PRTFDC1: variants seen among roughly 807,000 people sequenced by gnomAD.
PRTFDC1 encodes phosphoribosyltransferase domain-containing protein 1.
A neutral mutation model predicts 34.6 loss-of-function variants in PRTFDC1; 38 were observed. That is an observed-to-expected ratio of 1.10 (90% CI 0.85 to 1.44). The LOEUF (loss-of-function observed/expected upper bound fraction) is 1.44, where lower values mean the gene tolerates loss of function less well. Among genes scored for constraint, PRTFDC1 ranks in the 40% most tolerant of loss-of-function variants. The pLI, the probability that PRTFDC1 is intolerant of heterozygous loss-of-function variation, is 0.00. For missense variants in PRTFDC1, 270 were observed against 283.0 expected (o/e 0.95, Z 0.33); for synonymous variants, 93 against 98.1 (o/e 0.95, Z 0.31).
intron 3 of PRTFDC1, among the ~76,000 whole-genome samples, chr10:24,887,009 G>C (rs1848179691): frequency 7.7e-6 from 1 of 129,442 alleles, no homozygotes; most frequent in Non-Finnish European, 1.6e-5. Flanking sequence ...TGTCGCCCAG[G>C]TCGGACTGCG....
intron 3 of PRTFDC1, among the ~76,000 whole-genome samples, chr10:24,873,334 G>A (rs771073620): frequency 1.6e-4 from 25 of 152,098 alleles, no homozygotes; most frequent in Admixed American, 3.3e-4. Context: ...TTGTCTCCCA[G>A]CCTCATTACA....
intron 3 of PRTFDC1, among the ~76,000 whole-genome samples, chr10:24,914,924 C>A (rs1412714439): frequency 6.6e-6 from 1 of 152,070 alleles, no homozygotes; most frequent in Non-Finnish European, 1.5e-5. Context: ...ATATGCCATC[C>A]AATTATTACT....
In PRTFDC1 at chr10:24,882,985, GA is replaced by G. The variant is rs200756471; in HGVS notation, c.340-10923del. ...AAGTGAAACTAGCAATTTTAGCCAGGAAAAAAATTGTATCTATATATATGTA... is the reference window on the plus strand; with the variant it reads ...AAGTGAAACTAGCAATTTTAGCCAGGAAAAAATTGTATCTATATATATGTA... On this transcript the variant is annotated intron_variant, in intron 3 of 8. Coordinates refer to ENST00000320152, the MANE Select transcript of PRTFDC1 (RefSeq NM_020200.7). 6.3e-3 allele frequency among the ~76,000 whole-genome samples: 939 copies of G among 149,054 alleles called. 4 individuals carry two copies. Among genetic ancestry groups the G allele is most frequent in the African/African-American group, 0.022 (897 of 40,888 alleles).
intron 4 of PRTFDC1, among the ~76,000 whole-genome samples, chr10:24,870,943 G>A (rs1253028460): frequency 1.3e-5 from 2 of 151,944 alleles, no homozygotes; most frequent in Non-Finnish European, 2.9e-5. Context: ...ATGGTGGCAG[G>A]TGCCTGTAAT....
At chr10:24,849,978 C>A (rs1215734119) in intron 8 of PRTFDC1, 87 bp from the exon 9 acceptor site, 1 of 1,206,296 alleles carries the variant, frequency 8.3e-7, no homozygotes, top group Non-Finnish European at 1.2e-6. Flanking sequence ...CGAATGCCAT[C>A]CTGTAATTGG....
At chr10:24,872,889 C>T (rs1847901929) in intron 3 of PRTFDC1, among the ~76,000 whole-genome samples, 1 of 147,190 alleles carries the variant, frequency 6.8e-6, no homozygotes, top group Non-Finnish European at 1.5e-5. Flanking sequence ...CTCATTGCAG[C>T]CTCAATCTCC....
intron 3 of PRTFDC1, among the ~76,000 whole-genome samples, chr10:24,920,671 G>A (rs1469557977): frequency 6.6e-6 from 1 of 152,066 alleles, no homozygotes. Context: ...TCCTGCACAT[G>A]TATCCTGGAA....
chr10:24,898,793 A>G lies in PRTFDC1; in HGVS notation c.340-26730T>C, dbSNP rs141962694. 6.4e-4 allele frequency among the ~76,000 whole-genome samples: 98 copies of G among 152,270 alleles called. 1 individual carries two copies. In the East Asian group the frequency reaches 0.016, roughly 25 times the overall value. On this transcript the variant is annotated intron_variant, in intron 3 of 8. Transcript: ENST00000320152. Reference sequence around the variant, plus strand: ...CAAGGATCAGCCTAGGTGTATGAGAAATTGCTAAGAACTGAATGTTTATGT... The same window carrying G: ...CAAGGATCAGCCTAGGTGTATGAGAGATTGCTAAGAACTGAATGTTTATGT...
intron 7 of PRTFDC1, among the ~76,000 whole-genome samples, chr10:24,854,388 T>C (rs1847538869): frequency 6.6e-6 from 1 of 152,190 alleles, no homozygotes; most frequent in Non-Finnish European, 1.5e-5. Flanking sequence ...AGCACAGGCA[T>C]GAAACTTGTT....
At chr10:24,885,046 T>C (rs150780063) in intron 3 of PRTFDC1, among the ~76,000 whole-genome samples, 54 of 152,368 alleles carry the variant, frequency 3.5e-4, no homozygotes, top group Admixed American at 5.9e-4. Context: ...CATGTCTGCC[T>C]GGGCTTGCAG....
At chr10:24,895,575 G>A (rs113672015) in intron 3 of PRTFDC1, among the ~76,000 whole-genome samples, 13 of 150,546 alleles carry the variant, frequency 8.6e-5, no homozygotes, top group East Asian at 2.0e-4. Context: ...AGTTTTCTAC[G>A]CCTTAGAGAA....
intron 7 of PRTFDC1, among the ~76,000 whole-genome samples, chr10:24,853,484 T>C (rs551251603): frequency 6.6e-6 from 1 of 152,162 alleles, no homozygotes; most frequent in East Asian, 1.9e-4. Flanking sequence ...TGGTGGTACC[T>C]GTAGTCCCAG....
At position 24,903,452 on chromosome 10, in the gene PRTFDC1, A is replaced by G. The variant is rs146538635; in HGVS notation, c.340-31389T>C. On this transcript the variant is annotated intron_variant, in intron 3 of 8. Transcript: ENST00000320152. ...GATGTGGACACTTTTCTGAATGTAT[A>G]TTGCACTTCAATTCAAAGTTTTTAA... is the stretch of plus-strand genomic sequence containing the variant. Among the ~76,000 whole-genome samples the G allele has an allele frequency of 8.5e-4, 129 of 152,348 alleles. 1 individual carries two copies. The East Asian group carries it at 0.02, about 23-fold the overall frequency.
At chr10:24,928,753 T>G (rs1213351003) in intron 3 of PRTFDC1, among the ~76,000 whole-genome samples, 1 of 151,376 alleles carries the variant, frequency 6.6e-6, no homozygotes, top group African/African-American at 2.4e-5. Flanking sequence ...AAAAGAAGCT[T>G]TCGGCTGAGC....
chr10:24,916,029 C>T (rs1394479752), intron 3 of PRTFDC1, among the ~76,000 whole-genome samples: 4 of 152,314 alleles, frequency 2.6e-5, no homozygotes, highest in Non-Finnish European at 1.5e-5. Context: ...CCCCTGGTTT[C>T]CTTTCCAAAG....
intron 3 of PRTFDC1, among the ~76,000 whole-genome samples, chr10:24,916,817 T>A (rs1346691152): frequency 1.3e-5 from 2 of 152,208 alleles, no homozygotes; most frequent in Non-Finnish European, 2.9e-5. Flanking sequence ...AATCCTGACA[T>A]ACGAGTGTAA....
chr10:24,908,875 G>C, intron 3 of PRTFDC1: 1 of 850,208 alleles, frequency 1.2e-6, no homozygotes, highest in Non-Finnish European at 1.7e-6. Flanking sequence ...CCTCTGGCTG[G>C]GGTGAGAATG....
At chr10:24,939,470 G>C (rs1316243173) in intron 2 of PRTFDC1, among the ~76,000 whole-genome samples, 3 of 151,948 alleles carry the variant, frequency 2.0e-5, no homozygotes, top group Non-Finnish European at 2.9e-5. Context: ...CAGACTGTCA[G>C]GGTGGATTAA....
intron 3 of PRTFDC1, among the ~76,000 whole-genome samples, chr10:24,895,612 T>G (rs7901000): frequency 0.93 from 136,468 of 146,232 alleles, 63,977 homozygotes; most frequent in Middle Eastern, 0.99. Context: ...TGAACGGCCT[T>G]GCTTAGGGAA....
Sources: allele counts gnomAD v4.1 joint callset (sites outside exome capture counted in the v4.1 genomes callset), GRCh38; gene constraint gnomAD v4.1.1; transcripts MANE v1.5; gene names NCBI Gene and HGNC (gene_info 2026-07-23, HGNC 2026-07-21).